The following CCDC91 variants were observed in gnomAD, a reference collection of about 807,000 sequenced individuals.
CCDC91 encodes the protein coiled-coil domain-containing protein 91.
CCDC91 carries 48 observed loss-of-function variants against 63.2 expected under a neutral mutation model. The observed-to-expected ratio is 0.76, with a 90% CI of 0.60 to 0.97. CCDC91 has a LOEUF of 0.97. Among genes scored for constraint, CCDC91 ranks in the 50% least tolerant of loss-of-function variants. The pLI, the probability that CCDC91 is intolerant of heterozygous loss-of-function variation, is 0.00. For synonymous variants in CCDC91, 167 were observed against 165.8 expected (o/e 1.01, Z -0.06); for missense variants, 500 against 494.6 (o/e 1.01, Z -0.10).
At chr12:28,194,198 A>G (rs1941534324) in intron 1 of CCDC91, among the ~76,000 whole-genome samples, 2 of 152,238 alleles carry the variant, frequency 1.3e-5, no homozygotes, top group South Asian at 2.1e-4. Flanking sequence ...GTCTGTGACC[A>G]ATTTCGAGTT....
chr12:28,224,476 A>T (rs1452796267), intron 1 of CCDC91, among the ~76,000 whole-genome samples: 1 of 151,886 alleles, frequency 6.6e-6, no homozygotes, highest in Non-Finnish European at 1.5e-5. Flanking sequence ...AGAAATTTCC[A>T]TTTCTGTTTG....
chr12:28,371,488 A>G (rs191296944), intron 7 of CCDC91, among the ~76,000 whole-genome samples: 1 of 152,318 alleles, frequency 6.6e-6, no homozygotes, highest in African/African-American at 2.4e-5. Context: ...GGACTGCTGT[A>G]TATATTTTCC....
At chr12:28,304,679 C>G in intron 3 of CCDC91, 1 of 1,277,224 alleles carries the variant, frequency 7.8e-7, no homozygotes, top group Non-Finnish European at 1.0e-6. Flanking sequence ...GGTAGAACTT[C>G]ACTGAAGTTG....
chr12:28,277,462 C>A (rs934401809), intron 3 of CCDC91, among the ~76,000 whole-genome samples: 6 of 152,008 alleles, frequency 3.9e-5, no homozygotes, highest in Non-Finnish European at 7.4e-5. Flanking sequence ...GGTTGAACAT[C>A]CCAAATCCAA....
At chr12:28,423,117 A>G (rs572828724) in intron 8 of CCDC91, among the ~76,000 whole-genome samples, 7 of 152,194 alleles carry the variant, frequency 4.6e-5, no homozygotes, top group African/African-American at 1.7e-4. Context: ...GTCCAGGAGA[A>G]TTGTGACCAA....
At chr12:28,500,219 G>T (rs1952562525) in intron 12 of CCDC91, among the ~76,000 whole-genome samples, 1 of 149,988 alleles carries the variant, frequency 6.7e-6, no homozygotes, top group African/African-American at 2.5e-5. Flanking sequence ...ATTTGTTTAA[G>T]TTCTTTGTAG....
rs531387473 is a variant in CCDC91 at position 28,202,364 on chromosome 12, A to G, written c.-15+11723A>G. Among the ~76,000 whole-genome samples the G allele has an allele frequency of 4.5e-4, 68 of 152,326 alleles. 1 individual carries two copies. The highest frequency in any genetic ancestry group is 1.8e-3 in the Admixed American group (28 of 15,308). Reference sequence around the variant, plus strand: ...ATTTTTTGTTGAAAATTAGATAATTAAATAATATCTAATGTGGTAACTCTG... The same window carrying G: ...ATTTTTTGTTGAAAATTAGATAATTGAATAATATCTAATGTGGTAACTCTG... On this transcript the variant is annotated intron_variant, in intron 1 of 12. Coordinates refer to ENST00000536442, the MANE Select transcript of CCDC91 (RefSeq NM_018318.5).
chr12:28,221,351 C>A (rs73263442), intron 1 of CCDC91, among the ~76,000 whole-genome samples: 6,723 of 152,080 alleles, frequency 0.044, 436 homozygotes, highest in African/African-American at 0.14. Context: ...TGATTCTCTC[C>A]ATCTCTCTCA....
At chr12:28,414,404 T>TA (rs1383282635) in intron 8 of CCDC91, among the ~76,000 whole-genome samples, 1 of 152,168 alleles carries the variant, frequency 6.6e-6, no homozygotes, top group East Asian at 1.9e-4. Flanking sequence ...TGAAAGTAGA[T>TA]ATAGATTACT....
In CCDC91 at chr12:28,346,873, G is replaced by A. The variant is rs78893790; in HGVS notation, c.577-15565G>A. ...ATCCTTTCCCTTGATGTTGGGGGAC[G>A]GGACTGAATGTCCCGAACCTCTAAT... On this transcript the variant is annotated intron_variant, in intron 6 of 12. Coordinates refer to ENST00000536442, the MANE Select transcript of CCDC91 (RefSeq NM_018318.5). Among the ~76,000 whole-genome samples the A allele has an allele frequency of 3.6e-3, 541 of 152,232 alleles. 7 individuals carry two copies. The highest frequency in any genetic ancestry group is 0.012 in the African/African-American group (500 of 41,540).
chr12:28,273,777 C>A (rs2136424448), intron 3 of CCDC91, among the ~76,000 whole-genome samples: 1 of 152,120 alleles, frequency 6.6e-6, no homozygotes, highest in East Asian at 1.9e-4. Context: ...AAATTTTCTC[C>A]CATTCTGTAG....
intron 8 of CCDC91, among the ~76,000 whole-genome samples, chr12:28,412,316 A>G (rs947048159): frequency 2.6e-5 from 4 of 152,192 alleles, no homozygotes; most frequent in African/African-American, 7.2e-5. Flanking sequence ...ATTGTTACTT[A>G]TATTTAATCA....
chr12:28,528,648 G>A (rs561400194), intron 12 of CCDC91, among the ~76,000 whole-genome samples: 8 of 152,202 alleles, frequency 5.3e-5, no homozygotes, highest in African/African-American at 1.7e-4. Flanking sequence ...CCTGCCTCCC[G>A]TCTGCCATGA....
chr12:28,281,345 C>T (rs1948599342), intron 3 of CCDC91, among the ~76,000 whole-genome samples: 1 of 152,100 alleles, frequency 6.6e-6, no homozygotes, highest in African/African-American at 2.4e-5. Flanking sequence ...GCTGTTCCAT[C>T]AGGAAGGGCG....
intron 12 of CCDC91, among the ~76,000 whole-genome samples, chr12:28,535,856 G>A (rs1447249878): frequency 3.2e-4 from 49 of 151,910 alleles, no homozygotes; most frequent in Admixed American, 1.3e-4. Context: ...GTGAAACCCC[G>A]TCTCTACTAA....
At chr12:28,493,652 A>T (rs554194276) in intron 12 of CCDC91, among the ~76,000 whole-genome samples, 2 of 151,914 alleles carry the variant, frequency 1.3e-5, no homozygotes, top group East Asian at 3.9e-4. Flanking sequence ...ATATATTCCC[A>T]TTGCCAATAT....
At chr12:28,443,893 A>G (rs545919290) in intron 8 of CCDC91, among the ~76,000 whole-genome samples, 1 of 152,378 alleles carries the variant, frequency 6.6e-6, no homozygotes, top group Non-Finnish European at 1.5e-5. Flanking sequence ...ATAAATGTTT[A>G]TAAAACTTGC....
intron 6 of CCDC91, among the ~76,000 whole-genome samples, chr12:28,349,574 T>A (rs1472569739): frequency 2.6e-5 from 4 of 152,222 alleles, no homozygotes; most frequent in Non-Finnish European, 4.4e-5. Flanking sequence ...TCCACATTTT[T>A]ATTTTATACT....
intron 11 of CCDC91, among the ~76,000 whole-genome samples, chr12:28,468,790 A>G (rs1386406895): frequency 6.6e-6 from 1 of 152,114 alleles, no homozygotes; most frequent in African/African-American, 2.4e-5. Context: ...AACAAATGCA[A>G]GTGAATTAAT....
Sources: allele counts gnomAD v4.1 joint callset (sites outside exome capture counted in the v4.1 genomes callset), GRCh38; gene constraint gnomAD v4.1.1; transcripts MANE v1.5; gene names NCBI Gene and HGNC (gene_info 2026-07-23, HGNC 2026-07-21).